The following THRAP3 variants were observed in gnomAD, a reference collection of about 807,000 sequenced individuals.
THRAP3 encodes thyroid hormone receptor associated protein 3, also known as thyroid hormone receptor-associated protein 3.
Under a neutral mutation model 101.0 loss-of-function variants are expected in THRAP3, and 16 were observed. The ratio of observed to expected loss-of-function variants is 0.16; its 90% CI spans 0.11 to 0.24. The LOEUF (loss-of-function observed/expected upper bound fraction) is 0.24, where lower values mean the gene tolerates loss of function less well. Ranked by LOEUF, THRAP3 falls within the 10% of genes least tolerant of loss-of-function variation. The pLI is 1.00. For synonymous variants in THRAP3, 407 were observed against 422.6 expected (o/e 0.96, Z 0.45); for missense variants, 989 against 1,202.7 (o/e 0.82, Z 2.63).
At chr1:36,302,237 CTT>C (rs1460463204) in intron 11 of THRAP3, among the ~76,000 whole-genome samples, 2 of 152,226 alleles carry the variant, frequency 1.3e-5, no homozygotes, top group Non-Finnish European at 2.9e-5. Flanking sequence ...AGTGAGCTCT[CTT>C]GGCCTTGATC....
At chr1:36,253,414 G>C (rs1645332871) in intron 1 of THRAP3, among the ~76,000 whole-genome samples, 1 of 152,162 alleles carries the variant, frequency 6.6e-6, no homozygotes, top group African/African-American at 2.4e-5. Flanking sequence ...ACTGTAGTTT[G>C]AGCTCAGAAG....
intron 1 of THRAP3, among the ~76,000 whole-genome samples, chr1:36,229,503 G>A (rs1645002505): frequency 6.6e-6 from 1 of 150,736 alleles, no homozygotes; most frequent in East Asian, 1.9e-4. Flanking sequence ...TAGAAGATAG[G>A]GGCTGGTTTT....
At chr1:36,263,172 T>C (rs1645469643) in intron 2 of THRAP3, among the ~76,000 whole-genome samples, 1 of 144,634 alleles carries the variant, frequency 6.9e-6, no homozygotes, top group Admixed American at 7.5e-5. Context: ...TGATCACGGC[T>C]CACTGCAACC....
chr1:36,231,465 A>G (rs1450287865), intron 1 of THRAP3, among the ~76,000 whole-genome samples: 2 of 152,248 alleles, frequency 1.3e-5, no homozygotes, highest in South Asian at 4.1e-4. Flanking sequence ...AAGGCCAAGC[A>G]GAGTTGTTGA....
the THRAP3 span, among the ~76,000 whole-genome samples, chr1:36,212,937 G>C: frequency 6.6e-6 from 1 of 152,194 alleles, no homozygotes; most frequent in African/African-American, 2.4e-5. Flanking sequence ...ATAGGCCTTT[G>C]ATAGGTGGGG....
intron 1 of THRAP3, among the ~76,000 whole-genome samples, chr1:36,254,576 G>A (rs1645349081): frequency 6.6e-6 from 1 of 152,202 alleles, no homozygotes; most frequent in African/African-American, 2.4e-5. Flanking sequence ...GCAGAGCAAA[G>A]CAGTGAGACC....
chr1:36,212,323 C>T, the THRAP3 span, among the ~76,000 whole-genome samples: 1 of 152,018 alleles, frequency 6.6e-6, no homozygotes, highest in Admixed American at 6.6e-5. Context: ...TCACTGGGGG[C>T]CAAGGAAATG....
chr1:36,220,966 A>ATATATATATAT (rs1420537162), upstream of THRAP3, among the ~76,000 whole-genome samples: 11 of 134,162 alleles, frequency 8.2e-5, no homozygotes, highest in African/African-American at 3.1e-4. Flanking sequence ...AAAAAAAAAA[A>ATATATATATAT]AAAAAAATAT....
chr1:36,208,082 C>T, the THRAP3 span, among the ~76,000 whole-genome samples: 4 of 152,172 alleles, frequency 2.6e-5, no homozygotes, highest in African/African-American at 7.2e-5. Flanking sequence ...CATGAGCCAC[C>T]GCAGCCAGCC....
At chr1:36,252,950 A>G (rs1019288820) in intron 1 of THRAP3, among the ~76,000 whole-genome samples, 3 of 119,156 alleles carry the variant, frequency 2.5e-5, no homozygotes, top group African/African-American at 9.1e-5. Flanking sequence ...ATATATATAT[A>G]TATATATATA....
chr1:36,304,012 G>T lies in THRAP3; in HGVS notation c.2863G>T (p.Glu955Ter). ...GAAGGACAATATACAGCCCACAACC[G>T]AGTAGGGGCCACCCTTGACGGGATT... ...EEKDNIQPTT[E>*] is the part of the protein sequence containing the mutation. Residue 955 changes from glutamate (E) to a stop codon, truncating the protein, a stop_gained, in exon 12 of 12, where the codon GAG becomes TAG. Transcript: ENST00000354618. LOFTEE classifies it high-confidence loss of function. 1 of 1,538,878 alleles carries T rather than the reference G, an allele frequency of 6.5e-7. No individual in the cohort carries two copies. Among genetic ancestry groups the T allele is most frequent in the Non-Finnish European group, 8.8e-7 (1 of 1,142,800 alleles).
chr1:36,247,300 G>A (rs1489672496), intron 1 of THRAP3, among the ~76,000 whole-genome samples: 1 of 151,928 alleles, frequency 6.6e-6, no homozygotes, highest in Non-Finnish European at 1.5e-5. Context: ...CTGGGCGACA[G>A]AGCGAGACTC....
chr1:36,238,381 G>C (rs951564868), intron 1 of THRAP3, among the ~76,000 whole-genome samples: 10 of 152,202 alleles, frequency 6.6e-5, no homozygotes, highest in Admixed American at 5.2e-4. Context: ...GCATTTATTG[G>C]AATGGAAATA....
the THRAP3 span, among the ~76,000 whole-genome samples, chr1:36,218,989 C>G: frequency 4.9e-5 from 7 of 142,444 alleles, no homozygotes; most frequent in Non-Finnish European, 7.5e-5. Context: ...GCTGAGATCA[C>G]GCCACTGCAC....
intron 2 of THRAP3, among the ~76,000 whole-genome samples, chr1:36,277,439 A>ATC (rs1160079119): frequency 2.5e-4 from 38 of 152,014 alleles, no homozygotes; most frequent in Non-Finnish European, 5.6e-4. Context: ...ACCTCAGGTG[A>ATC]TCCACCCACT....
intron 2 of THRAP3, among the ~76,000 whole-genome samples, chr1:36,261,366 A>G (rs1209149257): frequency 2.0e-5 from 3 of 152,138 alleles, no homozygotes; most frequent in African/African-American, 7.2e-5. Flanking sequence ...CCCCATCTCT[A>G]CTAAAAATAC....
At chr1:36,227,527 C>T (rs1644975361) in intron 1 of THRAP3, among the ~76,000 whole-genome samples, 1 of 152,278 alleles carries the variant, frequency 6.6e-6, no homozygotes, top group Non-Finnish European at 1.5e-5. Flanking sequence ...GGTGATCCGC[C>T]TGCCTCGGCC....
intron 1 of THRAP3, among the ~76,000 whole-genome samples, chr1:36,256,793 GCAGA>G (rs1645381453): frequency 6.6e-6 from 1 of 151,956 alleles, no homozygotes; most frequent in East Asian, 1.9e-4. Flanking sequence ...CGTTTGCATT[GCAGA>G]CATTCTTTTT....
intron 4 of THRAP3, chr1:36,287,811 C>A (rs1289035490): frequency 3.0e-6 from 3 of 985,316 alleles, no homozygotes; most frequent in Non-Finnish European, 3.6e-6. Context: ...TAGAAGCCAA[C>A]ACGGCTGCGT....
Sources: gnomAD v4.1 joint callset for allele counts (sites outside exome capture counted in the v4.1 genomes callset) on GRCh38, gnomAD v4.1.1 for gene constraint, MANE v1.5 for transcripts, NCBI Gene and HGNC (gene_info 2026-07-23, HGNC 2026-07-21) for gene names.